CTNNBL1: variants seen among roughly 807,000 people sequenced by gnomAD.
CTNNBL1 encodes beta-catenin-like protein 1.
A neutral mutation model predicts 72.7 loss-of-function variants in CTNNBL1; 31 were observed. The ratio of observed to expected loss-of-function variants is 0.43; its 90% CI spans 0.32 to 0.58. The LOEUF (loss-of-function observed/expected upper bound fraction) is 0.58, where lower values mean the gene tolerates loss of function less well. CTNNBL1 is among the 20% of genes least tolerant of loss of function. The pLI is 0.08. For synonymous variants in CTNNBL1, 240 were observed against 267.3 expected, an observed-to-expected ratio of 0.90 and a Z score of 1.00; for missense variants, 534 against 725.1, an observed-to-expected ratio of 0.74 and a Z score of 3.03.
intron 10 of CTNNBL1, among the ~76,000 whole-genome samples, chr20:37,794,420 G>A (rs1272667557): frequency 6.6e-6 from 1 of 151,976 alleles, no homozygotes; most frequent in African/African-American, 2.4e-5. Flanking sequence ...GGGTTCAAGC[G>A]ATTCCTGGGC....
chr20:37,842,351 A>G lies in CTNNBL1; in HGVS notation c.1324A>G (p.Met442Val), dbSNP rs1164856723. The G allele has an allele frequency of 1.9e-6, 3 of 1,612,948 alleles. No homozygotes were observed. The highest frequency in any genetic ancestry group is 3.3e-5 in the Admixed American group (2 of 60,022). The change falls in exon 13 of 16, where the codon ATG becomes GTG. Residue 442 changes from methionine (M) to valine (V), a missense_variant. Physicochemically the swap from Met to Val is conservative, Grantham distance 21 (BLOSUM62 1). Transcript: ENST00000361383. ...ATCTCTCTTTCAGGTTGACAGACTAATGGAGTTGCATTTTAAATATCTGGG... is the reference window on the plus strand; with the variant it reads ...ATCTCTCTTTCAGGTTGACAGACTAGTGGAGTTGCATTTTAAATATCTGGG... ...ENDSEKVDRL[M>V]ELHFKYLGAM...
chr20:37,739,526 T>A (rs963135831), intron 3 of CTNNBL1, among the ~76,000 whole-genome samples: 1 of 152,208 alleles, frequency 6.6e-6, no homozygotes, highest in Non-Finnish European at 1.5e-5. Context: ...TATATTTCCA[T>A]AGGATAGATA....
chr20:37,794,513 G>T (rs930350567), intron 10 of CTNNBL1, among the ~76,000 whole-genome samples: 2 of 151,944 alleles, frequency 1.3e-5, no homozygotes, highest in African/African-American at 4.8e-5. Flanking sequence ...GTGTTTTTTT[G>T]AGATAGTCTC....
intron 3 of CTNNBL1, among the ~76,000 whole-genome samples, chr20:37,743,007 T>A (rs370602648): frequency 2.0e-4 from 31 of 152,242 alleles, no homozygotes; most frequent in African/African-American, 7.0e-4. Flanking sequence ...TTTCACTCTG[T>A]TGGCCAGGCA....
At chr20:37,759,653 G>T (rs921103193) in intron 5 of CTNNBL1, among the ~76,000 whole-genome samples, 4 of 152,108 alleles carry the variant, frequency 2.6e-5, no homozygotes, top group African/African-American at 7.2e-5. Context: ...ATTAGTTTAA[G>T]ATTTTGACTC....
Position 37,765,125 on chromosome 20 carries a change from G to A in CTNNBL1, c.565-72G>A. 3.1e-6 allele frequency: 3 copies of A among 983,056 alleles called. No homozygotes were observed. The South Asian group carries it at 4.2e-5, about 14-fold the overall frequency. The allele number at this position is 983,056 out of a possible 1,614,324, so 60.9% of individuals were successfully genotyped here. On this transcript the variant is annotated intron_variant, in intron 5 of 15. Transcript: ENST00000361383. Reference sequence around the variant, plus strand: ...GTTCATTCAAATAGTGGAGAAGTAAGTATGGGAACGGGAACATTTTGGGGA... The same window carrying A: ...GTTCATTCAAATAGTGGAGAAGTAAATATGGGAACGGGAACATTTTGGGGA...
intron 10 of CTNNBL1, among the ~76,000 whole-genome samples, chr20:37,780,131 C>A (rs2073613720): frequency 6.9e-6 from 1 of 144,818 alleles, no homozygotes; most frequent in Non-Finnish European, 1.5e-5. Flanking sequence ...TTGTGCCCTA[C>A]AGAGGAGCAA....
chr20:37,804,508 A>G (rs192109448), intron 11 of CTNNBL1, among the ~76,000 whole-genome samples: 9 of 152,098 alleles, frequency 5.9e-5, no homozygotes, highest in African/African-American at 9.7e-5. Context: ...ACTTCCCTTC[A>G]CTGCATTTTC....
intron 11 of CTNNBL1, among the ~76,000 whole-genome samples, chr20:37,807,766 G>A (rs186218890): frequency 3.3e-5 from 5 of 152,326 alleles, no homozygotes; most frequent in Non-Finnish European, 7.3e-5. Flanking sequence ...CACTAAGCTT[G>A]TGGGATGGGT....
At chr20:37,859,600 A>G (rs1441390436) in intron 13 of CTNNBL1, among the ~76,000 whole-genome samples, 1 of 93,886 alleles carries the variant, frequency 1.1e-5, no homozygotes, top group East Asian at 3.5e-4. Flanking sequence ...GTGTCCCGTC[A>G]GCTTGTTTTT....
intron 11 of CTNNBL1, among the ~76,000 whole-genome samples, chr20:37,818,705 C>G (rs1029078703): frequency 1.3e-5 from 2 of 152,140 alleles, no homozygotes; most frequent in African/African-American, 4.8e-5. Context: ...TCCTCAAAAT[C>G]AGAATCACAG....
intron 11 of CTNNBL1, among the ~76,000 whole-genome samples, chr20:37,828,387 CT>C (rs1045385401): frequency 1.1e-4 from 17 of 149,852 alleles, no homozygotes; most frequent in Non-Finnish European, 2.1e-4. Flanking sequence ...AGGTTGAATG[CT>C]TTTTTTTTTA....
intron 15 of CTNNBL1, among the ~76,000 whole-genome samples, chr20:37,865,337 G>T (rs770084193): frequency 6.6e-6 from 1 of 152,216 alleles, no homozygotes; most frequent in Non-Finnish European, 1.5e-5. Flanking sequence ...CAGTTAATCC[G>T]GCTGGACATG....
rs568987749 is a variant in CTNNBL1, at chr20:37,848,829, T to C, written c.1392+6410T>C. 1.6e-3 allele frequency among the ~76,000 whole-genome samples: 237 copies of C among 151,846 alleles called. 5 individuals are homozygous for C. In the South Asian group the frequency reaches 0.047, roughly 30 times the overall value. On this transcript the variant is annotated intron_variant, in intron 13 of 15. Coordinates refer to ENST00000361383, the MANE Select transcript of CTNNBL1 (RefSeq NM_030877.5). ...CCAAGCTCATAGGCTGGTTGCAAGA[T>C]CTGATGAGATTGGGGCTAAGTGCCA... is the stretch of plus-strand genomic sequence containing the variant.
chr20:37,754,282 C>CTTTT (rs369597087), intron 4 of CTNNBL1, among the ~76,000 whole-genome samples: 27 of 111,826 alleles, frequency 2.4e-4, no homozygotes, highest in Middle Eastern at 6.1e-3. Flanking sequence ...TATTTATTTG[C>CTTTT]TTTTTTTTTT....
chr20:37,806,860 AGT>A (rs1456172092), intron 11 of CTNNBL1, among the ~76,000 whole-genome samples: 1 of 152,118 alleles, frequency 6.6e-6, no homozygotes, highest in Non-Finnish European at 1.5e-5. Flanking sequence ...GTTTCACAAG[AGT>A]GTGTTTTTTT....
chr20:37,840,149 C>T lies in CTNNBL1; in HGVS notation c.1261C>T (p.Gln421Ter). ...TTCCCTCCTGCGGAACCTGAGAGGG[C>T]AGCAGCGGACCCGGCTTCTGAATAA... is the stretch of plus-strand genomic sequence containing the variant. ...LASLLRNLRG[Q>*]QRTRLLNKFT... Residue 421 changes from glutamine to a stop codon, truncating the protein, a stop_gained, in exon 12 of 16, where the codon CAG becomes TAG. Transcript: ENST00000361383. LOFTEE classifies it high-confidence loss of function. 1 of 1,613,956 alleles carries T rather than the reference C, an allele frequency of 6.2e-7. No individual in the cohort carries two copies. The highest frequency in any genetic ancestry group is 1.3e-5 in the African/African-American group (1 of 75,046).
intron 13 of CTNNBL1, among the ~76,000 whole-genome samples, chr20:37,851,576 A>C (rs552133174): frequency 6.6e-6 from 1 of 152,314 alleles, no homozygotes; most frequent in East Asian, 1.9e-4. Flanking sequence ...TGAACTATGA[A>C]AGTGAACACA....
chr20:37,852,565 A>C (rs905387302), intron 13 of CTNNBL1, among the ~76,000 whole-genome samples: 1 of 152,158 alleles, frequency 6.6e-6, no homozygotes, highest in Non-Finnish European at 1.5e-5. Flanking sequence ...ACATACCCAT[A>C]CGCAGGTAGA....
Sources: gnomAD v4.1 joint callset for allele counts (sites outside exome capture counted in the v4.1 genomes callset) on GRCh38, gnomAD v4.1.1 for gene constraint, MANE v1.5 for transcripts, NCBI Gene and HGNC (gene_info 2026-07-23, HGNC 2026-07-21) for gene names.